The following PRIM2 variants were observed in gnomAD, a reference collection of about 807,000 sequenced individuals.
PRIM2 encodes the protein DNA primase subunit 2, also known as DNA primase large subunit.
Under a neutral mutation model 67.3 loss-of-function variants are expected in PRIM2, and 39 were observed. That is an observed-to-expected ratio of 0.58 (90% CI 0.45 to 0.76). The LOEUF (loss-of-function observed/expected upper bound fraction) is 0.76. Among genes scored for constraint, PRIM2 ranks in the 30% least tolerant of loss-of-function variants. The pLI, the probability that PRIM2 is intolerant of heterozygous loss-of-function variation, is 0.00. For synonymous variants in PRIM2, 143 were observed against 198.7 expected (o/e 0.72, Z 2.36); for missense variants, 398 against 598.7 (o/e 0.66, Z 3.50).
At chr6:57,256,541 G>A in the PRIM2 span, among the ~76,000 whole-genome samples, 1 of 151,920 alleles carries the variant, frequency 6.6e-6, no homozygotes, top group South Asian at 2.1e-4. Flanking sequence ...TAAATTCTGT[G>A]CTTTTCCTCC....
At chr6:57,439,985 A>G (rs1304642684) in intron 7 of PRIM2, among the ~76,000 whole-genome samples, 2 of 152,006 alleles carry the variant, frequency 1.3e-5, no homozygotes, top group African/African-American at 4.8e-5. Context: ...ATGCATATAA[A>G]TAAATATTTG....
intron 10 of PRIM2, among the ~76,000 whole-genome samples, chr6:57,549,022 T>C (rs1176236716): frequency 1.3e-5 from 2 of 152,208 alleles, no homozygotes; most frequent in Non-Finnish European, 2.9e-5. Flanking sequence ...CACAATTTTA[T>C]GGAATCCTTA....
chr6:57,407,957 G>A (rs1770953141), intron 7 of PRIM2, among the ~76,000 whole-genome samples: 1 of 152,202 alleles, frequency 6.6e-6, no homozygotes, highest in Non-Finnish European at 1.5e-5. Flanking sequence ...AACTTGGGAA[G>A]GTTGGGTAAC....
At chr6:57,536,653 G>T (rs1238200676) in intron 9 of PRIM2, among the ~76,000 whole-genome samples, 1 of 152,192 alleles carries the variant, frequency 6.6e-6, no homozygotes, top group African/African-American at 2.4e-5. Flanking sequence ...AAAACTATTA[G>T]TAATAAAGAA....
chr6:57,646,348 G>C lies in PRIM2; in HGVS notation c.*190G>C. The C allele has an allele frequency of 1.7e-6, 1 of 587,810 alleles. No individual in the cohort carries two copies. Among genetic ancestry groups the C allele is most frequent in the Non-Finnish European group, 3.0e-6 (1 of 332,272 alleles). The allele number at this position is 587,810 out of a possible 1,614,324, so 36.4% of individuals were successfully genotyped here. On this transcript the variant is annotated 3_prime_UTR_variant, in exon 14 of 14. Transcript: ENST00000615550. ...GCCTCCCAAGTAGTTAGGACCACAGGTGTGCACCTCATATCCAGATAATTT... is the reference window on the plus strand; with the variant it reads ...GCCTCCCAAGTAGTTAGGACCACAGCTGTGCACCTCATATCCAGATAATTT...
chr6:57,638,595 A>AAAT (rs1777166018), intron 13 of PRIM2, among the ~76,000 whole-genome samples: 1 of 149,380 alleles, frequency 6.7e-6, no homozygotes, highest in African/African-American at 2.5e-5. Flanking sequence ...AAAAAAAAAA[A>AAAT]AAAAGCAGGG....
chr6:57,356,318 A>G (rs574868145), intron 5 of PRIM2, among the ~76,000 whole-genome samples: 1 of 152,322 alleles, frequency 6.6e-6, no homozygotes, highest in East Asian at 1.9e-4. Context: ...TACTTTTTCT[A>G]AAGTACTTAT....
At chr6:57,241,887 T>G in the PRIM2 span, among the ~76,000 whole-genome samples, 25 of 152,212 alleles carry the variant, frequency 1.6e-4, no homozygotes, top group Non-Finnish European at 2.5e-4. Flanking sequence ...TTAGCCAGGA[T>G]GGTCTCGATC....
chr6:57,550,902 G>T (rs1168796266), intron 10 of PRIM2, among the ~76,000 whole-genome samples: 1 of 152,154 alleles, frequency 6.6e-6, no homozygotes, highest in Non-Finnish European at 1.5e-5. Flanking sequence ...TGATACTGAA[G>T]GATTTTTCTT....
chr6:57,237,386 G>A, the PRIM2 span, among the ~76,000 whole-genome samples: 1 of 152,148 alleles, frequency 6.6e-6, no homozygotes, highest in Non-Finnish European at 1.5e-5. Context: ...TCTGATGGTA[G>A]TTTCTTTTGC....
At chr6:57,625,365 G>A (rs1451289315) in intron 12 of PRIM2, among the ~76,000 whole-genome samples, 4 of 152,166 alleles carry the variant, frequency 2.6e-5, no homozygotes, top group Admixed American at 6.5e-5. Flanking sequence ...AAGAAACTTA[G>A]GTAATTGTGG....
chr6:57,453,833 A>G (rs1772649509), intron 7 of PRIM2, among the ~76,000 whole-genome samples: 2 of 151,974 alleles, frequency 1.3e-5, no homozygotes, highest in Admixed American at 1.3e-4. Flanking sequence ...GTTGAATAGG[A>G]GTGGTGAGAG....
chr6:57,236,926 T>C, the PRIM2 span, among the ~76,000 whole-genome samples: 1 of 151,998 alleles, frequency 6.6e-6, no homozygotes, highest in Non-Finnish European at 1.5e-5. Flanking sequence ...TTTGGGTAAA[T>C]ACCAGTAATG....
intron 5 of PRIM2, among the ~76,000 whole-genome samples, chr6:57,372,197 A>G (rs936935395): frequency 2.6e-5 from 4 of 152,182 alleles, no homozygotes; most frequent in Non-Finnish European, 5.9e-5. Context: ...AATTGAGGTG[A>G]AAGTTTCCAG....
chr6:57,554,841 A>G (rs1385655742), intron 10 of PRIM2, among the ~76,000 whole-genome samples: 175 of 152,364 alleles, frequency 1.1e-3, no homozygotes, highest in African/African-American at 4.1e-3. Context: ...TTTAAAAAGT[A>G]TAATTGCTAA....
At chr6:57,376,907 T>C (rs1769783018) in intron 5 of PRIM2, among the ~76,000 whole-genome samples, 3 of 152,210 alleles carry the variant, frequency 2.0e-5, no homozygotes. Flanking sequence ...AGACCGAGTC[T>C]CGCCTTGTCG....
At chr6:57,564,007 G>A (rs1316253507) in intron 10 of PRIM2, among the ~76,000 whole-genome samples, 1 of 152,162 alleles carries the variant, frequency 6.6e-6, no homozygotes, top group Non-Finnish European at 1.5e-5. Context: ...ATGTAGACAT[G>A]AAGTCCTTTC....
intron 7 of PRIM2, among the ~76,000 whole-genome samples, chr6:57,477,372 C>A (rs1229615100): frequency 6.6e-6 from 1 of 152,138 alleles, no homozygotes; most frequent in Non-Finnish European, 1.5e-5. Context: ...TTAATAGTTA[C>A]AGTTTGGGGC....
intron 7 of PRIM2, among the ~76,000 whole-genome samples, chr6:57,479,619 C>G (rs1773566502): frequency 6.6e-6 from 1 of 152,152 alleles, no homozygotes; most frequent in East Asian, 1.9e-4. Context: ...CTCTCTCTTT[C>G]ACAGCTGTAT....
Sources: gnomAD v4.1 joint callset for allele counts (sites outside exome capture counted in the v4.1 genomes callset) on GRCh38, gnomAD v4.1.1 for gene constraint, MANE v1.5 for transcripts, NCBI Gene and HGNC (gene_info 2026-07-23, HGNC 2026-07-21) for gene names.